Variants in LIN9 observed in about 807,000 individuals in gnomAD.
The protein encoded by LIN9 is protein lin-9 homolog.
A neutral mutation model predicts 78.0 loss-of-function variants in LIN9; 18 were observed. That is an observed-to-expected ratio of 0.23 (90% confidence interval 0.16 to 0.34). The LOEUF is 0.34. Among genes scored for constraint, LIN9 ranks in the 10% least tolerant of loss-of-function variants. The probability of loss-of-function intolerance (pLI) is 1.00; values close to 1 mark genes in which losing one functional copy is unlikely to be tolerated. For missense variants in LIN9, 451 were observed against 644.1 expected (o/e 0.70, Z 3.25); for synonymous variants, 192 against 215.2 (o/e 0.89, Z 0.94).
chr1:226,264,181 C>G (rs1284071841), intron 10 of LIN9, among the ~76,000 whole-genome samples: 1 of 151,694 alleles, frequency 6.6e-6, no homozygotes, highest in Non-Finnish European at 1.5e-5. Context: ...GAGTTTGAGA[C>G]CAGCCTGGCC....
intron 12 of LIN9, among the ~76,000 whole-genome samples, chr1:226,238,588 A>T (rs61709910): frequency 0.027 from 4,152 of 152,138 alleles, 168 homozygotes; most frequent in African/African-American, 0.093. Context: ...AGATTGCATC[A>T]CTGTACTCCA....
chr1:226,306,044 T>TG (rs1662894533), intron 1 of LIN9, among the ~76,000 whole-genome samples: 1 of 151,988 alleles, frequency 6.6e-6, no homozygotes, highest in South Asian at 2.1e-4. Context: ...GGAAAGTGGC[T>TG]GGGGGCGCGG....
At chr1:226,283,282 T>TTG (rs1661185014) in intron 6 of LIN9, among the ~76,000 whole-genome samples, 1 of 127,912 alleles carries the variant, frequency 7.8e-6, no homozygotes, top group Non-Finnish European at 1.7e-5. Flanking sequence ...TTTTGAATTT[T>TTG]TTTTTTTTTT....
intron 11 of LIN9, 70 bp downstream of exon 11, chr1:226,250,769 T>G: frequency 1.3e-6 from 1 of 761,148 alleles, no homozygotes; most frequent in Non-Finnish European, 2.2e-6. Context: ...TTTTAAATCA[T>G]TAGATATAGA....
chr1:226,280,624 A>G (rs1660988221), intron 6 of LIN9, among the ~76,000 whole-genome samples: 1 of 152,018 alleles, frequency 6.6e-6, no homozygotes, highest in Admixed American at 6.6e-5. Flanking sequence ...AAAACACAAA[A>G]ATTAGCTAGG....
intron 11 of LIN9, among the ~76,000 whole-genome samples, chr1:226,246,792 C>CAAAA (rs34407541): frequency 1.3e-5 from 1 of 78,024 alleles, no homozygotes; most frequent in African/African-American, 4.9e-5. Flanking sequence ...GACTCTGTCT[C>CAAAA]AAAAAAAAAA....
At chr1:226,297,610 G>T in intron 3 of LIN9, 109 bp downstream of exon 3, 2 of 572,878 alleles carry the variant, frequency 3.5e-6, no homozygotes, top group Non-Finnish European at 5.6e-6. Context: ...CTTGAGGTTG[G>T]GAAAAAAACT....
At position 226,265,459 on chromosome 1, in the gene LIN9, A is replaced by C. The variant is rs1659844179; in HGVS notation, c.1038+74T>G. The C allele has an allele frequency of 2.3e-6, 2 of 861,898 alleles. No individual in the cohort carries two copies. Among genetic ancestry groups the C allele is most frequent in the East Asian group, 2.6e-5 (1 of 37,742 alleles). 53.4% of individuals were successfully genotyped at this position (861,898 alleles called of 1,614,324 possible). ...TGATAAACCTACACGGCCCTAGAAA[A>C]ATTTTCAACTTTAATAACATAAAAG... On this transcript the variant is annotated intron_variant, in intron 10 of 14. Transcript: ENST00000681046. The surrounding 1 kb of genome is among the most constrained non-coding windows in gnomAD (Gnocchi z 4.1).
At chr1:226,263,954 G>A (rs997718778) in intron 10 of LIN9, among the ~76,000 whole-genome samples, 4 of 152,088 alleles carry the variant, frequency 2.6e-5, no homozygotes, top group African/African-American at 7.2e-5. Flanking sequence ...GTACATGCCT[G>A]CAGTCTCAGC....
At chr1:226,244,734 A>AT (rs1035671238) in intron 11 of LIN9, among the ~76,000 whole-genome samples, 5 of 152,134 alleles carry the variant, frequency 3.3e-5, no homozygotes, top group African/African-American at 1.2e-4. Flanking sequence ...ACCATTTACA[A>AT]TTTTTTGCTA....
intron 4 of LIN9, among the ~76,000 whole-genome samples, chr1:226,294,277 C>CAAA (rs35182254): frequency 8.8e-6 from 1 of 114,196 alleles, no homozygotes; most frequent in Admixed American, 8.9e-5. Context: ...CAATGCAGTC[C>CAAA]AAAAAAAAAA....
chr1:226,309,265 C>A (rs1184815642), upstream of LIN9: 15 of 1,191,860 alleles, frequency 1.3e-5, no homozygotes, highest in African/African-American at 1.6e-5. Context: ...GCGCTGCTCC[C>A]GCCGCGGCTG....
chr1:226,260,161 G>T (rs1291435646), intron 10 of LIN9, among the ~76,000 whole-genome samples: 1 of 152,076 alleles, frequency 6.6e-6, no homozygotes, highest in Non-Finnish European at 1.5e-5. Context: ...CTCTGAATAG[G>T]CTTATATCTA....
chr1:226,267,903 A>C (rs1288706441), intron 8 of LIN9, 54 bp downstream of exon 8: 3 of 1,543,356 alleles, frequency 1.9e-6, no homozygotes, highest in African/African-American at 1.4e-5. Flanking sequence ...AAAAAACTCT[A>C]TATAACACAT....
upstream of LIN9, chr1:226,309,582 G>C: frequency 8.2e-7 from 1 of 1,224,322 alleles, no homozygotes; most frequent in Non-Finnish European, 1.1e-6. Flanking sequence ...CTCGGTTCTG[G>C]GTCGCATTGC....
intron 5 of LIN9, among the ~76,000 whole-genome samples, 189 bp from the exon 6 acceptor site, chr1:226,286,647 A>T (rs556350431): frequency 6.6e-6 from 1 of 152,314 alleles, no homozygotes; most frequent in East Asian, 1.9e-4. Flanking sequence ...GTTGCTCAGG[A>T]AATATTATTT....
At chr1:226,293,138 A>G (rs978912486) in intron 4 of LIN9, among the ~76,000 whole-genome samples, 3 of 152,252 alleles carry the variant, frequency 2.0e-5, no homozygotes, top group African/African-American at 7.2e-5. Flanking sequence ...GGAACAAGCC[A>G]TGTCAGGTAA....
At chr1:226,233,261 T>C in intron 13 of LIN9, 68 bp from the exon 14 acceptor site, 2 of 1,514,248 alleles carry the variant, frequency 1.3e-6, no homozygotes, top group East Asian at 4.5e-5. Context: ...ATACCTGATA[T>C]AATCAATGAA....
At chr1:226,281,492 T>C (rs1460461397) in intron 6 of LIN9, among the ~76,000 whole-genome samples, 1 of 152,142 alleles carries the variant, frequency 6.6e-6, no homozygotes, top group Non-Finnish European at 1.5e-5. Flanking sequence ...AGAAAAATTA[T>C]AATGTTCCCA....
Sources: gnomAD v4.1 joint callset for allele counts (sites outside exome capture counted in the v4.1 genomes callset) on GRCh38, gnomAD v4.1.1 for gene constraint, Gnocchi (gnomAD v3.1) non-coding constraint, MANE v1.5 for transcripts, NCBI Gene and HGNC (gene_info 2026-07-23, HGNC 2026-07-21) for gene names.